The following NPC1L1 variants were observed in gnomAD, a reference collection of about 807,000 sequenced individuals.
NPC1L1 encodes NPC1 like intracellular cholesterol transporter 1.
NPC1L1 carries 98 observed loss-of-function variants against 117.0 expected under a neutral mutation model. That is an observed-to-expected ratio of 0.84 (90% CI 0.71 to 0.99). The LOEUF is 0.99. Ranked by LOEUF, NPC1L1 falls within the 50% of genes least tolerant of loss-of-function variation. The probability of loss-of-function intolerance (pLI) is 0.00; values close to 1 mark genes in which losing one functional copy is unlikely to be tolerated. For synonymous variants in NPC1L1, 729 were observed against 727.6 expected (o/e 1.00, Z -0.03); for missense variants, 1,540 against 1,710.0 (o/e 0.90, Z 1.75).
Position 44,522,207 on chromosome 7 carries a change from G to A in NPC1L1, c.2673C>T (p.Asn891=), listed in dbSNP as rs114239819. 8.9e-4 allele frequency: 1,432 copies of A among 1,613,830 alleles called. 14 individuals carry two copies. In the African/African-American group the frequency reaches 0.018, roughly 20 times the overall value. The stretch of plus-strand genomic sequence containing the variant: ...CCGGGGCCCCCACCTCGAAGTAGCG[G>A]TTCAGAAAGAGGAAATAGTCAAGCA... The part of the protein sequence containing the change: ...SYLLDYFLFL[N]RYFEVGAPVY... The change falls in exon 11 of 19, where the codon AAC becomes AAT. Residue 891 remains asparagine (N), a synonymous_variant. Coordinates refer to ENST00000381160, the MANE Select transcript of NPC1L1 (RefSeq NM_001101648.2).
intron 8 of NPC1L1, among the ~76,000 whole-genome samples, chr7:44,532,604 C>T (rs1196839897): frequency 1.3e-5 from 2 of 152,238 alleles, no homozygotes; most frequent in Non-Finnish European, 2.9e-5. Context: ...GATGAAGACC[C>T]TCATGATGAT....
intron 10 of NPC1L1, among the ~76,000 whole-genome samples, chr7:44,526,546 C>CAAAAAAAAAAAAAAA (rs372498105): frequency 3.2e-4 from 22 of 68,346 alleles, no homozygotes; most frequent in African/African-American, 1.5e-3. Context: ...GACTCCATCT[C>CAAAAAAAAAAAAAAA]AAAAAAAAAA....
chr7:44,519,156 C>T (rs1801280280), intron 14 of NPC1L1, among the ~76,000 whole-genome samples: 1 of 151,904 alleles, frequency 6.6e-6, no homozygotes, highest in South Asian at 2.1e-4. Context: ...GGCCTCCCAA[C>T]GTACTGGGAT....
chr7:44,512,777 A>T lies in NPC1L1; in HGVS notation c.*670T>A, dbSNP rs1026700820. On this transcript the variant is annotated 3_prime_UTR_variant, in exon 19 of 19. Coordinates refer to ENST00000381160, the MANE Select transcript of NPC1L1 (RefSeq NM_001101648.2). Reference sequence around the variant, plus strand: ...GCCTTAATAAGTATTGGAGCTGGAGACCAAACCCAACACCATTTTCCAGGA... The same window carrying T: ...GCCTTAATAAGTATTGGAGCTGGAGTCCAAACCCAACACCATTTTCCAGGA... 8 of 155,848 alleles carry T rather than the reference A, an allele frequency of 5.1e-5. No homozygotes were observed. Among genetic ancestry groups the T allele is most frequent in the Admixed American group, 4.3e-4 (7 of 16,174 alleles). The allele number at this position is 155,848 out of a possible 1,614,324, so 9.7% of individuals were successfully genotyped here.
At position 44,531,851 on chromosome 7, in the gene NPC1L1, A is replaced by T; in HGVS notation, c.2548-7T>A. 1 of 1,573,924 alleles carries T rather than the reference A, an allele frequency of 6.4e-7. No homozygotes were observed. The highest frequency in any genetic ancestry group is 8.6e-7 in the Non-Finnish European group (1 of 1,159,320). On this transcript the variant is annotated splice_region_variant and splice_polypyrimidine_tract_variant and intron_variant, in intron 9 of 18. Coordinates refer to ENST00000381160, the MANE Select transcript of NPC1L1 (RefSeq NM_001101648.2). Reference sequence around the variant, plus strand: ...GGGCGAGAAACAGCAGCAGCTGAGAAGGGACCTGCTGCATGAGACCACCCT... The same window carrying T: ...GGGCGAGAAACAGCAGCAGCTGAGATGGGACCTGCTGCATGAGACCACCCT...
chr7:44,520,692 G>T, intron 14 of NPC1L1, 73 bp downstream of exon 14: 1 of 1,276,516 alleles, frequency 7.8e-7, no homozygotes, highest in Non-Finnish European at 1.1e-6. Flanking sequence ...GTGACAGGCT[G>T]TTCCCTGGGG....
chr7:44,521,843 G>A lies in NPC1L1; in HGVS notation c.2829-7C>T. 1 of 1,614,102 alleles carries A rather than the reference G, an allele frequency of 6.2e-7. No individual in the cohort carries two copies. The highest frequency in any genetic ancestry group is 8.5e-7 in the Non-Finnish European group (1 of 1,180,012). On this transcript the variant is annotated splice_polypyrimidine_tract_variant and splice_region_variant and intron_variant, in intron 11 of 18. Transcript: ENST00000381160. Reference sequence around the variant, plus strand: ...AGGGATGGCCAGGTAAGACCTAAGGGGCAGGTGGGAGGAAGGGTGAAAAGG... The same window carrying A: ...AGGGATGGCCAGGTAAGACCTAAGGAGCAGGTGGGAGGAAGGGTGAAAAGG...
chr7:44,533,446 G>A lies in NPC1L1; in HGVS notation c.2394C>T (p.Asp798=). The change falls in exon 8 of 19, where the codon GAC becomes GAT. Residue 798 remains aspartate, a synonymous_variant. Coordinates refer to ENST00000381160, the MANE Select transcript of NPC1L1 (RefSeq NM_001101648.2). ...CTGCCCCTACCTCCTGCCTCTTGCT[G>A]TCCAGGGAGAGCAGGGCCACAAAGG... ...MSAFVALLSL[D]SKRQEASRLD... The A allele has an allele frequency of 6.2e-7, 1 of 1,613,952 alleles. No homozygotes were observed. The highest frequency in any genetic ancestry group is 8.5e-7 in the Non-Finnish European group (1 of 1,179,952).
In NPC1L1 at chr7:44,517,373, A is replaced by G; in HGVS notation, c.3137-16T>C. On this transcript the variant is annotated splice_polypyrimidine_tract_variant and intron_variant, in intron 14 of 18. Transcript: ENST00000381160. ...AACCTGGAGGCTGGACAGCCATGGC[A>G]CACAGAAGATGGAAGGGCAAAGGTC... 1 of 1,608,642 alleles carries G rather than the reference A, an allele frequency of 6.2e-7. No individual in the cohort carries two copies. Among genetic ancestry groups the G allele is most frequent in the Non-Finnish European group, 8.5e-7 (1 of 1,180,004 alleles).
rs148248125 is a variant in NPC1L1, at chr7:44,540,298, G to A, written c.99C>T (p.Cys33=). ...PYTTIHQPGY[C]AFYDECGKNP... is the part of the protein sequence containing the mutation. Reference sequence around the variant, plus strand: ...TCTTCCCACATTCGTCATAGAAGGCGCAGTAGCCAGGCTGGTGGATGGTTG... The same window carrying A: ...TCTTCCCACATTCGTCATAGAAGGCACAGTAGCCAGGCTGGTGGATGGTTG... The change falls in exon 2 of 19, where the codon TGC becomes TGT. Residue 33 remains cysteine, a synonymous_variant. Transcript: ENST00000381160. 1.1e-5 allele frequency: 18 copies of A among 1,613,850 alleles called. No homozygotes were observed. Among genetic ancestry groups the A allele is most frequent in the Middle Eastern group, 1.6e-4 (1 of 6,062 alleles).
At chr7:44,525,884 T>C (rs975428460) in intron 10 of NPC1L1, among the ~76,000 whole-genome samples, 3 of 152,158 alleles carry the variant, frequency 2.0e-5, no homozygotes, top group Non-Finnish European at 2.9e-5. Flanking sequence ...TGCTGAAGAA[T>C]GCTGGGCATG....
chr7:44,531,301 G>C (rs1801692237), intron 10 of NPC1L1, among the ~76,000 whole-genome samples: 1 of 152,196 alleles, frequency 6.6e-6, no homozygotes, highest in Non-Finnish European at 1.5e-5. Flanking sequence ...ACACACCTGG[G>C]CTCACCCTAG....
intron 18 of NPC1L1, among the ~76,000 whole-genome samples, chr7:44,515,488 C>T (rs768974022): frequency 2.6e-5 from 4 of 152,144 alleles, no homozygotes; most frequent in Non-Finnish European, 5.9e-5. Flanking sequence ...GTGCATGTCA[C>T]CTCTCTGTGT....
At position 44,522,036 on chromosome 7, in the gene NPC1L1, C is replaced by T. The variant is rs35349497; in HGVS notation, c.2828+16G>A. On this transcript the variant is annotated intron_variant, in intron 11 of 18. Transcript: ENST00000381160. ...ACAGGGAGTAGGCTGGGGTTTGGGG[C>T]GGGCCAGGAACTCACTGCTCAGGGA... The T allele has an allele frequency of 0.074, 119,956 of 1,612,132 alleles. 5,145 individuals are homozygous for T. The highest frequency in any genetic ancestry group is 0.087 in the Non-Finnish European group (102,156 of 1,178,974).
intron 10 of NPC1L1, among the ~76,000 whole-genome samples, chr7:44,529,617 A>G (rs1241483987): frequency 2.6e-5 from 4 of 151,844 alleles, no homozygotes; most frequent in Non-Finnish European, 5.9e-5. Flanking sequence ...ACCTCAGGTG[A>G]TCTGCCTGCC....
chr7:44,539,520 A>T lies in NPC1L1; in HGVS notation c.877T>A (p.Ser293Thr). The T allele has an allele frequency of 6.2e-7, 1 of 1,613,656 alleles. No homozygotes were observed. ...GSLVLIIILC[S>T]VFAVVTILLV... ...AGGATGGTGACCACAGCGAAGACAGAGCAGAGGATGATGATGAGGACCAGA... is the reference window on the plus strand; with the variant it reads ...AGGATGGTGACCACAGCGAAGACAGTGCAGAGGATGATGATGAGGACCAGA... Residue 293 changes from serine (S) to threonine (T), a missense_variant, in exon 2 of 19, where the codon TCT (serine) becomes ACT (threonine). Around this residue, in one of 3 missense-constraint regions of NPC1L1, gnomAD observed 793 missense variants for 820.4 expected, o/e 0.97. Transcript: ENST00000381160. This position sits in a 1 kb window ranked among gnomAD's most constrained non-coding sequence, Gnocchi z 4.4.
At chr7:44,518,689 T>C in intron 14 of NPC1L1, 1 of 1,254,390 alleles carries the variant, frequency 8.0e-7, no homozygotes, top group Non-Finnish European at 1.0e-6. Flanking sequence ...AAAAAAGTTA[T>C]TTCTTTATTG....
At chr7:44,529,800 G>C (rs7792961) in intron 10 of NPC1L1, among the ~76,000 whole-genome samples, 30,716 of 151,042 alleles carry the variant, frequency 0.2, 3,579 homozygotes, top group African/African-American at 0.3. Flanking sequence ...CTTTGGGAGG[G>C]CAAAGCAGGC....
Position 44,532,116 on chromosome 7 carries a change from G to T in NPC1L1, c.2511C>A (p.Ala837=). The T allele has an allele frequency of 6.2e-7, 1 of 1,614,184 alleles. No individual in the cohort carries two copies. Among genetic ancestry groups the T allele is most frequent in the Non-Finnish European group, 8.5e-7 (1 of 1,180,034 alleles). The change falls in exon 9 of 19, where the codon GCC becomes GCA. Residue 837 remains alanine (A), a synonymous_variant. Transcript: ENST00000381160. ...LLLGFFQKAY[A]PFLLHWITRG... ...GAGTGATCCAGTGCAGCAGGAAGGG[G>T]GCATAAGCCTTTTGGAAGAAGCCAA...
Sources: gnomAD v4.1 joint callset for allele counts (sites outside exome capture counted in the v4.1 genomes callset) on GRCh38, gnomAD v4.1.1 for gene constraint, gnomAD v4.1.1 regional missense constraint, Gnocchi (gnomAD v3.1) non-coding constraint, MANE v1.5 for transcripts, NCBI Gene and HGNC (gene_info 2026-07-23, HGNC 2026-07-21) for gene names.